CCSER1: variants seen among roughly 807,000 people sequenced by gnomAD.
CCSER1 encodes the protein coiled-coil serine rich protein 1.
A neutral mutation model predicts 82.0 loss-of-function variants in CCSER1; 41 were observed. The ratio of observed to expected loss-of-function variants is 0.50; its 90% CI spans 0.39 to 0.65. CCSER1 has a LOEUF of 0.65. Ranked by LOEUF, CCSER1 falls within the 30% of genes least tolerant of loss-of-function variation. The pLI, the probability that CCSER1 is intolerant of heterozygous loss-of-function variation, is 0.00. For missense variants in CCSER1, 1,119 were observed against 1,064.2 expected (o/e 1.05, Z -0.72); for synonymous variants, 414 against 383.9 (o/e 1.08, Z -0.92).
At chr4:90,129,193 A>G (rs1489690678) in intron 1 of CCSER1, among the ~76,000 whole-genome samples, 1 of 152,226 alleles carries the variant, frequency 6.6e-6, no homozygotes, top group Non-Finnish European at 1.5e-5. Flanking sequence ...TTTAAAGTAA[A>G]GCTGGTTTTA....
At chr4:90,855,199 A>C (rs903220701) in intron 8 of CCSER1, among the ~76,000 whole-genome samples, 1 of 152,134 alleles carries the variant, frequency 6.6e-6, no homozygotes, top group African/African-American at 2.4e-5. Flanking sequence ...CATATGAATG[A>C]CCAGTCAGAA....
chr4:90,397,479 A>G (rs751929821), intron 3 of CCSER1, among the ~76,000 whole-genome samples: 2 of 152,230 alleles, frequency 1.3e-5, no homozygotes, highest in South Asian at 2.1e-4. Context: ...AACATCATGT[A>G]TGCCTCTGGA....
At chr4:91,172,000 A>G (rs112681742) in intron 10 of CCSER1, among the ~76,000 whole-genome samples, 144 of 152,160 alleles carry the variant, frequency 9.5e-4, no homozygotes, top group African/African-American at 3.4e-3. Context: ...TTTATATTCA[A>G]TAAAAAAAAT....
chr4:91,380,453 T>C (rs1181978036), intron 10 of CCSER1, among the ~76,000 whole-genome samples: 1 of 152,224 alleles, frequency 6.6e-6, no homozygotes, highest in Admixed American at 6.5e-5. Context: ...CATATATATT[T>C]AGGATAGTTA....
intron 5 of CCSER1, among the ~76,000 whole-genome samples, chr4:90,616,710 C>T (rs1721293300): frequency 3.2e-5 from 4 of 124,758 alleles, no homozygotes; most frequent in African/African-American, 1.5e-4. Flanking sequence ...CACACACACA[C>T]ACACACACAC....
intron 1 of CCSER1, among the ~76,000 whole-genome samples, chr4:90,276,251 T>TTTCTTTCTTTCTTTCTTCCCTTCCTTCC (rs1727659770): frequency 5.2e-5 from 4 of 76,850 alleles, no homozygotes; most frequent in African/African-American, 2.0e-4. Flanking sequence ...TCTTTCTTTC[T>TTTCTTTCTTTCTTTCTTCCCTTCCTTCC]TTCCTTCCTT....
intron 1 of CCSER1, among the ~76,000 whole-genome samples, chr4:90,179,423 C>T (rs1290094335): frequency 1.3e-5 from 2 of 152,178 alleles, no homozygotes; most frequent in Non-Finnish European, 2.9e-5. Context: ...CAGGGTCTCA[C>T]TCTCTGTAGC....
intron 8 of CCSER1, among the ~76,000 whole-genome samples, chr4:90,851,573 CTTTTT>C (rs35593031): frequency 2.3e-5 from 3 of 129,800 alleles, no homozygotes; most frequent in Non-Finnish European, 4.9e-5. Context: ...ACTTATAGAG[CTTTTT>C]TTTTTTTTTT....
At chr4:91,594,307 ATATGTG>A (rs1184224690) in intron 10 of CCSER1, among the ~76,000 whole-genome samples, 7 of 149,880 alleles carry the variant, frequency 4.7e-5, no homozygotes, top group Admixed American at 2.0e-4. Context: ...ATGTATATGT[ATATGTG>A]TATATATACA....
At chr4:90,585,229 A>T (rs1781865349) in intron 5 of CCSER1, among the ~76,000 whole-genome samples, 1 of 152,222 alleles carries the variant, frequency 6.6e-6, no homozygotes, top group African/African-American at 2.4e-5. Context: ...GGTAATAGTT[A>T]AGTGCTGGTG....
At chr4:91,470,744 C>G (rs2149443487) in intron 10 of CCSER1, among the ~76,000 whole-genome samples, 1 of 152,230 alleles carries the variant, frequency 6.6e-6, no homozygotes, top group Non-Finnish European at 1.5e-5. Flanking sequence ...TTCTTGTAAT[C>G]TACCATCTGC....
intron 10 of CCSER1, among the ~76,000 whole-genome samples, chr4:91,478,246 T>TA (rs2110034900): frequency 6.6e-6 from 1 of 152,040 alleles, no homozygotes; most frequent in African/African-American, 2.4e-5. Flanking sequence ...CTGCTGACTG[T>TA]AAATTAGAAC....
At position 90,948,228 on chromosome 4, in the gene CCSER1, T is replaced by A. The variant is rs190305283; in HGVS notation, c.2172+24781T>A. ...ACAATAGTTAGGTAAACATTCATTATATCAAGATGGTGGTTAGCATTACCC... is the reference window on the plus strand; with the variant it reads ...ACAATAGTTAGGTAAACATTCATTAAATCAAGATGGTGGTTAGCATTACCC... On this transcript the variant is annotated intron_variant, in intron 9 of 10. Transcript: ENST00000509176. Among the ~76,000 whole-genome samples the A allele has an allele frequency of 8.5e-3, 1,288 of 152,088 alleles. 8 individuals are homozygous for A. Among genetic ancestry groups the A allele is most frequent in the Non-Finnish European group, 0.014 (921 of 67,870 alleles).
intron 10 of CCSER1, among the ~76,000 whole-genome samples, chr4:91,152,085 C>T (rs1409021251): frequency 6.6e-6 from 1 of 152,100 alleles, no homozygotes; most frequent in Non-Finnish European, 1.5e-5. Flanking sequence ...GTTAAAGTTT[C>T]CCATTACTAT....
At chr4:91,009,740 C>T (rs1158784105) in intron 9 of CCSER1, among the ~76,000 whole-genome samples, 8 of 152,132 alleles carry the variant, frequency 5.3e-5, no homozygotes, top group Admixed American at 5.2e-4. Flanking sequence ...GACTATTTTA[C>T]ACTGATAACA....
intron 9 of CCSER1, among the ~76,000 whole-genome samples, chr4:90,963,625 C>T (rs1433744687): frequency 4.6e-5 from 7 of 151,868 alleles, no homozygotes; most frequent in Non-Finnish European, 1.5e-5. Flanking sequence ...CATTTGAGGG[C>T]ACAGTGAGAA....
At chr4:90,203,944 G>T (rs919382206) in intron 1 of CCSER1, among the ~76,000 whole-genome samples, 1 of 152,120 alleles carries the variant, frequency 6.6e-6, no homozygotes, top group Admixed American at 6.5e-5. Flanking sequence ...AATTACCAGG[G>T]ATTATGAGCT....
intron 6 of CCSER1, among the ~76,000 whole-genome samples, chr4:90,643,646 A>G (rs1447272943): frequency 6.6e-6 from 1 of 152,198 alleles, no homozygotes; most frequent in African/African-American, 2.4e-5. Context: ...ATATTATTTT[A>G]TGATTTTCAC....
intron 10 of CCSER1, among the ~76,000 whole-genome samples, chr4:91,128,644 GAGTGAGGA>G (rs897449724): frequency 7.2e-5 from 11 of 152,184 alleles, no homozygotes; most frequent in Admixed American, 5.2e-4. Context: ...AAAGAGCTCG[GAGTGAGGA>G]AAGTGAGTTG....
Sources: allele counts gnomAD v4.1 joint callset (sites outside exome capture counted in the v4.1 genomes callset), GRCh38; gene constraint gnomAD v4.1.1; transcripts MANE v1.5; gene names NCBI Gene and HGNC (gene_info 2026-07-23, HGNC 2026-07-21).